AGBL1: variants seen among roughly 807,000 people sequenced by gnomAD.
The protein encoded by AGBL1 is AGBL carboxypeptidase 1.
In AGBL1, 130 loss-of-function variants were observed where a neutral mutation model predicts 118.9. The ratio of observed to expected loss-of-function variants is 1.09; its 90% CI spans 0.95 to 1.26. The LOEUF is 1.26. AGBL1 is among the 50% of genes most tolerant of loss of function. The pLI is 0.00. For missense variants in AGBL1, 1,584 were observed against 1,298.1 expected, an observed-to-expected ratio of 1.22 and a Z score of -3.38; for synonymous variants, 555 against 478.9, an observed-to-expected ratio of 1.16 and a Z score of -2.08.
intron 23 of AGBL1, among the ~76,000 whole-genome samples, chr15:86,949,781 A>C (rs2080859872): frequency 1.3e-5 from 2 of 152,166 alleles, no homozygotes; most frequent in African/African-American, 2.4e-5. Flanking sequence ...ACTCGCAATT[A>C]CAGTAATTTA....
At chr15:86,375,378 C>T (rs2081028216) in intron 17 of AGBL1, among the ~76,000 whole-genome samples, 1 of 152,082 alleles carries the variant, frequency 6.6e-6, no homozygotes, top group African/African-American at 2.4e-5. Context: ...TGTAAGAACT[C>T]ACTCACTATC....
chr15:86,704,833 G>A (rs1005396735), intron 22 of AGBL1, among the ~76,000 whole-genome samples: 23 of 152,158 alleles, frequency 1.5e-4, no homozygotes, highest in African/African-American at 4.1e-4. Flanking sequence ...ACATGTACAC[G>A]TATGTTTATT....
At chr15:86,475,471 T>C (rs1231253907) in intron 18 of AGBL1, among the ~76,000 whole-genome samples, 1 of 152,098 alleles carries the variant, frequency 6.6e-6, no homozygotes, top group African/African-American at 2.4e-5. Flanking sequence ...AGAAAGGGTA[T>C]CAGTGATTGA....
At chr15:86,278,484 A>AGATTTTCTAT (rs56393316) in intron 15 of AGBL1, among the ~76,000 whole-genome samples, 32,033 of 150,590 alleles carry the variant, frequency 0.21, 3,621 homozygotes, top group Non-Finnish European at 0.25. Context: ...ATAAAAAAAC[A>AGATTTTCTAT]GATTTTCTAT....
chr15:86,267,979 A>C (rs1162523995), intron 13 of AGBL1, among the ~76,000 whole-genome samples: 1 of 152,228 alleles, frequency 6.6e-6, no homozygotes, highest in African/African-American at 2.4e-5. Context: ...CCTCACTCAC[A>C]AAATGAGAAC....
chr15:86,753,415 T>TC (rs35941815), intron 22 of AGBL1, among the ~76,000 whole-genome samples: 44,718 of 139,186 alleles, frequency 0.32, 7,801 homozygotes, highest in South Asian at 0.38. Flanking sequence ...TTTTTTTTTT[T>TC]GAGACAGAGT....
At chr15:86,561,560 T>G (rs12905460) in intron 21 of AGBL1, among the ~76,000 whole-genome samples, 82,241 of 151,958 alleles carry the variant, frequency 0.54, 23,157 homozygotes, top group East Asian at 0.88. Context: ...ACTGTAGCCT[T>G]GTAGTATAGT....
At chr15:86,651,560 C>T (rs1215752909) in intron 21 of AGBL1, among the ~76,000 whole-genome samples, 1 of 152,178 alleles carries the variant, frequency 6.6e-6, no homozygotes, top group Non-Finnish European at 1.5e-5. Context: ...ATACAATCCT[C>T]ATCCACAATG....
intron 17 of AGBL1, among the ~76,000 whole-genome samples, chr15:86,330,554 T>A (rs1486154174): frequency 6.6e-6 from 1 of 152,208 alleles, no homozygotes; most frequent in Non-Finnish European, 1.5e-5. Flanking sequence ...AGTGCAATAA[T>A]TCTGACACCA....
At chr15:86,455,465 T>C (rs1057170157) in intron 18 of AGBL1, among the ~76,000 whole-genome samples, 4 of 152,080 alleles carry the variant, frequency 2.6e-5, no homozygotes, top group Non-Finnish European at 4.4e-5. Context: ...TCCCAATTGG[T>C]TGGGTTGTTT....
chr15:86,507,999 A>G (rs1032069124), intron 18 of AGBL1, among the ~76,000 whole-genome samples: 1 of 128,862 alleles, frequency 7.8e-6, no homozygotes, highest in Admixed American at 7.6e-5. Context: ...CCTAAAAGTG[A>G]TTTGCCTTTT....
At chr15:86,509,917 T>A (rs535132757) in intron 18 of AGBL1, among the ~76,000 whole-genome samples, 2 of 150,456 alleles carry the variant, frequency 1.3e-5, no homozygotes, top group South Asian at 4.2e-4. Context: ...GATTACACTG[T>A]AGCAAGTGTC....
intron 15 of AGBL1, among the ~76,000 whole-genome samples, chr15:86,276,214 T>A (rs1215723298): frequency 6.6e-6 from 1 of 152,232 alleles, no homozygotes; most frequent in African/African-American, 2.4e-5. Flanking sequence ...TTTATGAAGA[T>A]CAAAACTTCA....
At chr15:86,119,339 CT>C (rs201874874) in intron 1 of AGBL1, among the ~76,000 whole-genome samples, 148 of 145,362 alleles carry the variant, frequency 1.0e-3, no homozygotes, top group African/African-American at 1.6e-3. Context: ...TTTGTCTTTG[CT>C]TTTTTTTTTT....
chr15:86,416,779 T>C (rs1044587110), intron 18 of AGBL1, among the ~76,000 whole-genome samples: 3 of 152,292 alleles, frequency 2.0e-5, no homozygotes, highest in South Asian at 2.1e-4. Context: ...ATATCCATAA[T>C]AGTATTGAGA....
rs536899008 is a variant in AGBL1 at position 86,116,348 on chromosome 15, T to C, written c.52-25656T>C. On this transcript the variant is annotated intron_variant, in intron 1 of 22. Transcript: ENST00000614907. ...GTGCTAAAGCTGAAGGATTATGTGTTTGTTTTTTTCCAATTACTTTGTTGA... is the reference window on the plus strand; with the variant it reads ...GTGCTAAAGCTGAAGGATTATGTGTCTGTTTTTTTCCAATTACTTTGTTGA... Among the ~76,000 whole-genome samples the C allele has an allele frequency of 2.6e-5, 4 of 152,330 alleles. No homozygotes were observed. In the South Asian group the frequency reaches 8.3e-4, roughly 32 times the overall value.
At chr15:86,562,764 G>A (rs189587042) in intron 21 of AGBL1, among the ~76,000 whole-genome samples, 19 of 152,218 alleles carry the variant, frequency 1.2e-4, no homozygotes, top group East Asian at 1.9e-4. Context: ...CTGTGAATCC[G>A]TCTGGTCCTG....
chr15:86,731,023 G>A (rs1245536189), intron 22 of AGBL1, among the ~76,000 whole-genome samples: 1 of 151,920 alleles, frequency 6.6e-6, no homozygotes, highest in Non-Finnish European at 1.5e-5. Context: ...TAGAGACATG[G>A]TTTCACTGTG....
chr15:86,362,530 C>A (rs1267077071), intron 17 of AGBL1, among the ~76,000 whole-genome samples: 1 of 152,168 alleles, frequency 6.6e-6, no homozygotes, highest in African/African-American at 2.4e-5. Context: ...GTTCAGAGGG[C>A]CTGCTATAGG....
Sources: allele counts gnomAD v4.1 joint callset (sites outside exome capture counted in the v4.1 genomes callset), GRCh38; gene constraint gnomAD v4.1.1; transcripts MANE v1.5; gene names NCBI Gene and HGNC (gene_info 2026-07-23, HGNC 2026-07-21).